The following C12orf42 variants were observed in gnomAD, a reference collection of about 807,000 sequenced individuals.
The protein encoded by C12orf42 is uncharacterized protein C12orf42.
C12orf42 carries 25 observed loss-of-function variants against 21.6 expected under a neutral mutation model. The observed-to-expected ratio is 1.16, with a 90% confidence interval of 0.84 to 1.62. The LOEUF (loss-of-function observed/expected upper bound fraction) is 1.62. Ranked by LOEUF, C12orf42 falls within the 40% of genes most tolerant of loss-of-function variation. The probability of loss-of-function intolerance (pLI) is 0.00; values close to 1 mark genes in which losing one functional copy is unlikely to be tolerated. For synonymous variants in C12orf42, 174 were observed against 175.0 expected (o/e 0.99, Z 0.05); for missense variants, 483 against 459.3 (o/e 1.05, Z -0.47).
chr12:103,272,241 A>G (rs1052062957), intron 5 of C12orf42, among the ~76,000 whole-genome samples: 1 of 152,150 alleles, frequency 6.6e-6, no homozygotes, highest in Non-Finnish European at 1.5e-5. Context: ...TCTTATTTCT[A>G]GGTCTCTAGC....
intron 4 of C12orf42, among the ~76,000 whole-genome samples, chr12:103,330,114 C>T (rs2041111746): frequency 6.6e-6 from 1 of 152,106 alleles, no homozygotes; most frequent in Non-Finnish European, 1.5e-5. Flanking sequence ...AAATAACCCT[C>T]ACATAATTTT....
the C12orf42 span, among the ~76,000 whole-genome samples, chr12:103,079,853 T>A: frequency 6.6e-6 from 1 of 152,214 alleles, no homozygotes; most frequent in Non-Finnish European, 1.5e-5. Flanking sequence ...TGACTGTTAC[T>A]TATATTTAAT....
Position 103,301,992 on chromosome 12 carries a change from A to C in C12orf42, c.*116T>G. 8.3e-7 allele frequency: 1 copy of C among 1,208,160 alleles called. No homozygotes were observed. The highest frequency in any genetic ancestry group is 1.2e-6 in the Non-Finnish European group (1 of 864,520). The allele number at this position is 1,208,160 out of a possible 1,614,324, so 74.8% of individuals were successfully genotyped here. A position where few individuals can be genotyped will look rare whatever the true frequency, so the allele number is the denominator to read the frequency against. On this transcript the variant is annotated 3_prime_UTR_variant, in exon 6 of 6. Transcript: ENST00000548883. The stretch of plus-strand genomic sequence containing the variant: ...TATTTATTAGGTTCAAAAATGCTTC[A>C]CAAAAGCCTAACAATGGTTCTGTGG...
chr12:103,338,579 A>G (rs2041918694), intron 4 of C12orf42, among the ~76,000 whole-genome samples: 1 of 152,222 alleles, frequency 6.6e-6, no homozygotes, highest in Non-Finnish European at 1.5e-5. Context: ...CTTCTGCCAG[A>G]TTATATATCT....
the C12orf42 span, among the ~76,000 whole-genome samples, chr12:103,148,915 T>TGAAG: frequency 6.6e-6 from 1 of 152,204 alleles, no homozygotes; most frequent in Non-Finnish European, 1.5e-5. Context: ...TTATAACTCA[T>TGAAG]GAAGGAATTT....
chr12:103,262,789 A>C (rs1057421920), intron 10 of C12orf42, among the ~76,000 whole-genome samples: 2 of 152,190 alleles, frequency 1.3e-5, no homozygotes, highest in Non-Finnish European at 2.9e-5. Flanking sequence ...TTGACCCAGC[A>C]ATCCCATTAC....
chr12:103,075,974 G>A, the C12orf42 span, among the ~76,000 whole-genome samples: 17 of 152,124 alleles, frequency 1.1e-4, no homozygotes, highest in Non-Finnish European at 2.2e-4. Context: ...AAGTAATTGA[G>A]TTTGGTTTTG....
chr12:103,279,173 T>A (rs1311550235), intron 4 of C12orf42, among the ~76,000 whole-genome samples: 1 of 152,186 alleles, frequency 6.6e-6, no homozygotes, highest in Non-Finnish European at 1.5e-5. Context: ...TCACAATACT[T>A]TATTATATGC....
chr12:103,173,734 T>A, the C12orf42 span, among the ~76,000 whole-genome samples: 1 of 152,158 alleles, frequency 6.6e-6, no homozygotes, highest in Non-Finnish European at 1.5e-5. Context: ...TTGTGCTTGA[T>A]CCTCACTTCT....
intron 2 of C12orf42, among the ~76,000 whole-genome samples, chr12:103,416,582 T>C (rs1177325526): frequency 6.6e-6 from 1 of 151,668 alleles, no homozygotes; most frequent in African/African-American, 2.4e-5. Flanking sequence ...AAAAGGATTG[T>C]GTTTATTCAC....
At chr12:103,389,910 A>G (rs938452685) in intron 3 of C12orf42, among the ~76,000 whole-genome samples, 1 of 152,180 alleles carries the variant, frequency 6.6e-6, no homozygotes, top group African/African-American at 2.4e-5. Flanking sequence ...CTGAAACACA[A>G]TCTTTGGAAA....
the C12orf42 span, among the ~76,000 whole-genome samples, chr12:103,093,662 G>C: frequency 6.6e-5 from 10 of 152,110 alleles, no homozygotes; most frequent in Non-Finnish European, 1.5e-4. Flanking sequence ...GCATTCCTGG[G>C]GACAGACATC....
At chr12:103,099,935 C>T in the C12orf42 span, among the ~76,000 whole-genome samples, 1 of 152,162 alleles carries the variant, frequency 6.6e-6, no homozygotes, top group Non-Finnish European at 1.5e-5. Context: ...GTGCCAAATG[C>T]CCACTTTGAT....
the C12orf42 span, among the ~76,000 whole-genome samples, chr12:103,553,975 G>C: frequency 1.6e-4 from 25 of 152,298 alleles, no homozygotes; most frequent in Non-Finnish European, 3.4e-4. Flanking sequence ...CTCAGAAACA[G>C]ACTAGCCTAG....
chr12:103,343,374 TACAG>T (rs780002754), intron 4 of C12orf42, among the ~76,000 whole-genome samples: 12 of 152,174 alleles, frequency 7.9e-5, no homozygotes, highest in East Asian at 5.8e-4. Context: ...AAACTTTGAC[TACAG>T]ACAAAGTTTT....
At chr12:103,276,850 C>A (rs187301771) in intron 5 of C12orf42, among the ~76,000 whole-genome samples, 13 of 152,266 alleles carry the variant, frequency 8.5e-5, no homozygotes, top group African/African-American at 1.7e-4. Context: ...TAGCCCTCCT[C>A]ATCATCCTCC....
downstream of C12orf42, among the ~76,000 whole-genome samples, chr12:103,266,100 CTTCT>C (rs934929899): frequency 6.6e-6 from 1 of 152,210 alleles, no homozygotes; most frequent in South Asian, 2.1e-4. Flanking sequence ...AGCAATGTGT[CTTCT>C]TTCTATTAGC....
chr12:103,213,403 A>G, the C12orf42 span, among the ~76,000 whole-genome samples: 1 of 152,212 alleles, frequency 6.6e-6, no homozygotes, highest in Non-Finnish European at 1.5e-5. Context: ...TCTTTATTGA[A>G]CAGAGATTAG....
At chr12:103,321,091 G>C (rs1398838396) in intron 4 of C12orf42, among the ~76,000 whole-genome samples, 1 of 152,080 alleles carries the variant, frequency 6.6e-6, no homozygotes, top group African/African-American at 2.4e-5. Context: ...TACAAAATGG[G>C]AGAAAATTTT....
Sources: gnomAD v4.1 joint callset for allele counts (sites outside exome capture counted in the v4.1 genomes callset) on GRCh38, gnomAD v4.1.1 for gene constraint, MANE v1.5 for transcripts, NCBI Gene and HGNC (gene_info 2026-07-23, HGNC 2026-07-21) for gene names.